The following LY86 variants were observed in gnomAD, a reference collection of about 807,000 sequenced individuals.
The protein encoded by LY86 is MD-1, RP105-associated.
A neutral mutation model predicts 17.3 loss-of-function variants in LY86; 20 were observed. The observed-to-expected ratio is 1.15, with a 90% CI of 0.81 to 1.68. LY86 has a LOEUF of 1.68. Ranked by LOEUF, LY86 falls within the 40% of genes most tolerant of loss-of-function variation. The pLI is 0.00. For synonymous variants in LY86, 74 were observed against 70.6 expected, an observed-to-expected ratio of 1.05 and a Z score of -0.24; for missense variants, 200 against 191.9, an observed-to-expected ratio of 1.04 and a Z score of -0.25.
intron 3 of LY86, among the ~76,000 whole-genome samples, chr6:6,639,755 T>C (rs573383518): frequency 6.6e-6 from 1 of 152,224 alleles, no homozygotes; most frequent in Admixed American, 6.5e-5. Flanking sequence ...ATCTGCAGAG[T>C]TCCTGTTGCC....
intron 3 of LY86, among the ~76,000 whole-genome samples, chr6:6,647,968 TACACACACACACACACAC>T (rs57233850): frequency 3.2e-4 from 46 of 144,730 alleles, no homozygotes; most frequent in African/African-American, 7.9e-4. Context: ...AATCATCACA[TACACACACACACACACAC>T]ACACACACAC....
chr6:6,605,217 C>T (rs1053394500), intron 1 of LY86, among the ~76,000 whole-genome samples: 62 of 152,294 alleles, frequency 4.1e-4, no homozygotes, highest in African/African-American at 1.4e-3. Context: ...ATTTCTATTT[C>T]TGCATAACAA....
chr6:6,606,169 G>A (rs1581236576), intron 1 of LY86, among the ~76,000 whole-genome samples: 2 of 152,192 alleles, frequency 1.3e-5, no homozygotes, highest in East Asian at 1.9e-4. Flanking sequence ...TGATTGGTGC[G>A]TTTACAATCC....
At chr6:6,609,531 G>T (rs1299068568) in intron 1 of LY86, among the ~76,000 whole-genome samples, 2 of 152,304 alleles carry the variant, frequency 1.3e-5, no homozygotes, top group East Asian at 1.9e-4. Context: ...GGGCCTCTCA[G>T]TTGAGGCACT....
rs146681563 is a variant in LY86 at position 6,597,383 on chromosome 6, G to A, written c.136+8513G>A. On this transcript the variant is annotated intron_variant, in intron 1 of 4. Coordinates refer to ENST00000230568, the MANE Select transcript of LY86 (RefSeq NM_004271.4). ...TCAGAAGGCACAGAACGGGAGCAGG[G>A]CTGAGGATGGAGTATAGAGAGGCAG... is the stretch of plus-strand genomic sequence containing the variant. Among the ~76,000 whole-genome samples, 10 of 152,310 alleles carry A rather than the reference G, an allele frequency of 6.6e-5. No homozygotes were observed. In the East Asian group the frequency reaches 1.7e-3, roughly 27 times the overall value.
intron 1 of LY86, among the ~76,000 whole-genome samples, chr6:6,608,540 C>T (rs571904893): frequency 2.2e-4 from 33 of 152,304 alleles, no homozygotes; most frequent in South Asian, 8.3e-4. Flanking sequence ...CGGCCCAGTC[C>T]TTTTTTTCTT....
At chr6:6,602,080 C>T (rs1048000097) in intron 1 of LY86, among the ~76,000 whole-genome samples, 1 of 152,342 alleles carries the variant, frequency 6.6e-6, no homozygotes, top group South Asian at 2.1e-4. Flanking sequence ...CCTTCCTTCC[C>T]CTTCTTGACT....
At chr6:6,634,394 A>G (rs1401199807) in intron 3 of LY86, among the ~76,000 whole-genome samples, 5 of 152,260 alleles carry the variant, frequency 3.3e-5, no homozygotes. Flanking sequence ...ATACATTATA[A>G]TGAGATGAAT....
intron 3 of LY86, among the ~76,000 whole-genome samples, chr6:6,627,154 T>G (rs1334798342): frequency 1.3e-5 from 2 of 152,020 alleles, no homozygotes; most frequent in Non-Finnish European, 2.9e-5. Flanking sequence ...CCAGCTGCTC[T>G]CCCCTCCCAG....
intron 1 of LY86, among the ~76,000 whole-genome samples, chr6:6,620,263 T>C (rs1174204273): frequency 6.6e-6 from 1 of 152,144 alleles, no homozygotes; most frequent in Non-Finnish European, 1.5e-5. Flanking sequence ...CCATGGGGGA[T>C]GATGGGGAAA....
chr6:6,623,754 A>G (rs1448389155), intron 1 of LY86, among the ~76,000 whole-genome samples: 1 of 152,206 alleles, frequency 6.6e-6, no homozygotes, highest in African/African-American at 2.4e-5. Flanking sequence ...AGCTATTAGT[A>G]CAAGGTAAAC....
intron 1 of LY86, chr6:6,622,828 A>T (rs1479595723): frequency 6.6e-6 from 1 of 152,226 alleles, no homozygotes; most frequent in East Asian, 1.9e-4. Context: ...CCTGCACACA[A>T]AATATTCTGG....
At chr6:6,649,489 G>GGTCGCCGTATCATTA in intron 3 of LY86, 136 bp from the exon 4 acceptor site, 1 of 486,392 alleles carries the variant, frequency 2.1e-6, no homozygotes, top group Non-Finnish European at 3.6e-6. Flanking sequence ...ATCAGGAAAT[G>GGTCGCCGTATCATTA]AAAACATTTC....
At chr6:6,633,880 G>A (rs1435738595) in intron 3 of LY86, among the ~76,000 whole-genome samples, 3 of 148,142 alleles carry the variant, frequency 2.0e-5, no homozygotes, top group South Asian at 4.4e-4. Context: ...AGGCTTAAGC[G>A]AGTTAAATAA....
chr6:6,607,510 T>A (rs1761217525), intron 1 of LY86, among the ~76,000 whole-genome samples: 1 of 151,520 alleles, frequency 6.6e-6, no homozygotes. Flanking sequence ...AAAGAAAAAA[T>A]TAAAATATTC....
chr6:6,595,602 C>T (rs1162797477), intron 1 of LY86, among the ~76,000 whole-genome samples: 1 of 145,032 alleles, frequency 6.9e-6, no homozygotes, highest in Non-Finnish European at 1.5e-5. Context: ...CAGGAACATA[C>T]GACCACCTCA....
intron 1 of LY86, among the ~76,000 whole-genome samples, chr6:6,593,082 C>G (rs531569640): frequency 6.6e-6 from 1 of 152,354 alleles, no homozygotes; most frequent in South Asian, 2.1e-4. Context: ...TACTTGGTGG[C>G]TGAAAACAAC....
At chr6:6,590,118 TAAAAAAA>T (rs34637229) in intron 1 of LY86, among the ~76,000 whole-genome samples, 4 of 80,576 alleles carry the variant, frequency 5.0e-5, no homozygotes, top group Admixed American at 1.5e-4. Flanking sequence ...AACTCTGTCT[TAAAAAAA>T]AAAAAAAAAA....
At chr6:6,643,741 AAC>A (rs1177157926) in intron 3 of LY86, among the ~76,000 whole-genome samples, 2 of 152,202 alleles carry the variant, frequency 1.3e-5, no homozygotes, top group Non-Finnish European at 2.9e-5. Flanking sequence ...CATGCACACG[AAC>A]ACACACGTGC....
Sources: gnomAD v4.1 joint callset for allele counts (sites outside exome capture counted in the v4.1 genomes callset) on GRCh38, gnomAD v4.1.1 for gene constraint, MANE v1.5 for transcripts, NCBI Gene and HGNC (gene_info 2026-07-23, HGNC 2026-07-21) for gene names.